The following KLHL13 variants were observed in gnomAD, a reference collection of about 807,000 sequenced individuals.
KLHL13 encodes kelch like family member 13.
A neutral mutation model predicts 37.1 loss-of-function variants in KLHL13; 10 were observed. That is an observed-to-expected ratio of 0.27 (90% CI 0.17 to 0.46). The LOEUF (loss-of-function observed/expected upper bound fraction) is 0.46, where lower values mean the gene tolerates loss of function less well. Ranked by LOEUF, KLHL13 falls within the 20% of genes least tolerant of loss-of-function variation. The probability of loss-of-function intolerance (pLI) is 1.00; values close to 1 mark genes in which losing one functional copy is unlikely to be tolerated. For missense variants in KLHL13, 360 were observed against 509.3 expected, an observed-to-expected ratio of 0.71 and a Z score of 2.82; for synonymous variants, 163 against 181.2, an observed-to-expected ratio of 0.90 and a Z score of 0.81.
upstream of KLHL13, among the ~76,000 whole-genome samples, chrX:117,975,511 C>T (rs960654403): frequency 4.5e-5 from 5 of 111,669 alleles, no homozygotes; most frequent in African/African-American, 1.3e-4. Context: ...CTGCCTCAGC[C>T]TCTTGAGTAG....
At chrX:118,108,422 C>A (rs942421918) in intron 1 of KLHL13, among the ~76,000 whole-genome samples, 1 of 112,342 alleles carries the variant, frequency 8.9e-6, no homozygotes, top group South Asian at 3.7e-4. Flanking sequence ...TTTACTTTCA[C>A]CCCCTTTCTT....
intron 2 of KLHL13, among the ~76,000 whole-genome samples, chrX:117,932,463 A>G (rs1451066853): frequency 9.0e-6 from 1 of 111,200 alleles, no homozygotes; most frequent in Non-Finnish European, 1.9e-5. Context: ...GATTTATTTC[A>G]CTTAACATAA....
chrX:118,047,747 T>G (rs937869628), intron 1 of KLHL13, among the ~76,000 whole-genome samples: 10 of 111,620 alleles, frequency 9.0e-5, no homozygotes, highest in African/African-American at 2.9e-4. Flanking sequence ...CCTTTATTTG[T>G]GAGAAGGAAT....
intron 1 of KLHL13, among the ~76,000 whole-genome samples, chrX:118,031,625 G>A (rs891197144): frequency 1.1e-4 from 9 of 85,148 alleles, no homozygotes; most frequent in African/African-American, 2.3e-4. Context: ...ATATTTAGTT[G>A]TATATATATT....
chrX:117,946,204 CAT>C (rs1167840355), intron 1 of KLHL13: 1 of 111,913 alleles, frequency 8.9e-6, no homozygotes, highest in Non-Finnish European at 1.9e-5. Context: ...AAATTTTTCA[CAT>C]GATATAATTT....
In KLHL13 at chrX:118,088,958, T is replaced by C. The variant is rs570702096; in HGVS notation, c.-56+27550A>G. Among the ~76,000 whole-genome samples, 21 of 111,711 alleles carry C rather than the reference T, an allele frequency of 1.9e-4. No individual in the cohort carries two copies. In the South Asian group the frequency reaches 7.9e-3, roughly 42 times the overall value. On this transcript the variant is annotated intron_variant, in intron 1 of 6. Transcript: ENST00000371882. ...TATTCAAGGTATAAAGCTGAAGAAG[T>C]TGGCAACCTAGAAATGACAGTGAGC...
chrX:118,028,916 A>G (rs1380763183), intron 1 of KLHL13, among the ~76,000 whole-genome samples: 7 of 111,867 alleles, frequency 6.3e-5, no homozygotes, highest in African/African-American at 1.3e-4. Context: ...AAAATTTCAC[A>G]CTATCCTGCT....
chrX:117,964,260 C>T (rs994830194), intron 1 of KLHL13, among the ~76,000 whole-genome samples: 1 of 111,902 alleles, frequency 8.9e-6, no homozygotes, highest in Non-Finnish European at 1.9e-5. Context: ...TATCTACCTC[C>T]AGTTCAAGTC....
At chrX:118,110,810 CT>C (rs2055402993) in intron 1 of KLHL13, among the ~76,000 whole-genome samples, 1 of 111,593 alleles carries the variant, frequency 9.0e-6, no homozygotes, top group African/African-American at 3.3e-5. Flanking sequence ...CCACAAAAGA[CT>C]CTCTTGTGCT....
intron 1 of KLHL13, among the ~76,000 whole-genome samples, chrX:117,952,295 C>A (rs1382197250): frequency 9.0e-6 from 1 of 111,379 alleles, no homozygotes; most frequent in South Asian, 3.8e-4. Context: ...GGAAAACAAG[C>A]AATGGGGAAA....
intron 1 of KLHL13, among the ~76,000 whole-genome samples, chrX:118,054,753 GCCT>G (rs994998537): frequency 2.7e-5 from 3 of 111,413 alleles, no homozygotes; most frequent in Non-Finnish European, 5.7e-5. Context: ...ATTATAAACT[GCCT>G]CCTTAGGAGT....
At chrX:118,042,924 A>AG (rs1701318089) in intron 1 of KLHL13, among the ~76,000 whole-genome samples, 1 of 110,749 alleles carries the variant, frequency 9.0e-6, no homozygotes, top group Non-Finnish European at 1.9e-5. Flanking sequence ...GAAATGAAAA[A>AG]AAAAAATACA....
chrX:118,090,886 C>T (rs1309508766), intron 1 of KLHL13, among the ~76,000 whole-genome samples: 5 of 108,147 alleles, frequency 4.6e-5, no homozygotes, highest in Non-Finnish European at 9.6e-5. Flanking sequence ...CCCAAATGTC[C>T]AACAATGATA....
At chrX:118,071,759 A>G (rs2054868360) in intron 1 of KLHL13, among the ~76,000 whole-genome samples, 2 of 104,155 alleles carry the variant, frequency 1.9e-5, no homozygotes, top group East Asian at 3.0e-4. Context: ...ATACCTAGGA[A>G]TCCAACTTAC....
At chrX:118,032,757 C>T (rs2054373416) in intron 1 of KLHL13, among the ~76,000 whole-genome samples, 1 of 112,236 alleles carries the variant, frequency 8.9e-6, no homozygotes, top group Non-Finnish European at 1.9e-5. Flanking sequence ...CTTTGACGAG[C>T]TGAGAGAAGA....
chrX:118,082,370 A>AT (rs1016175115), intron 1 of KLHL13, among the ~76,000 whole-genome samples: 2 of 111,279 alleles, frequency 1.8e-5, no homozygotes, highest in African/African-American at 6.5e-5. Flanking sequence ...GATGTTGAGC[A>AT]TTTTTTTAAT....
intron 1 of KLHL13, among the ~76,000 whole-genome samples, chrX:118,052,505 G>A (rs1222237057): frequency 1.0e-5 from 1 of 95,924 alleles, no homozygotes; most frequent in East Asian, 3.3e-4. Flanking sequence ...CTGGGCGACA[G>A]AGCAAGACTC....
chrX:118,072,114 A>G (rs1602701073), intron 1 of KLHL13, among the ~76,000 whole-genome samples: 1 of 109,558 alleles, frequency 9.1e-6, no homozygotes, highest in African/African-American at 3.3e-5. Context: ...ACAGCATGGT[A>G]CTGGTACCAA....
intron 2 of KLHL13, among the ~76,000 whole-genome samples, chrX:117,935,799 G>A (rs1013683406): frequency 1.8e-5 from 2 of 110,961 alleles, no homozygotes; most frequent in African/African-American, 6.6e-5. Flanking sequence ...TTTAGGTAGG[G>A]ACACAGAGCC....
Sources: gnomAD v4.1 joint callset for allele counts (sites outside exome capture counted in the v4.1 genomes callset) on GRCh38, gnomAD v4.1.1 for gene constraint, MANE v1.5 for transcripts, NCBI Gene and HGNC (gene_info 2026-07-23, HGNC 2026-07-21) for gene names.